The following ASTN2 variants were observed in gnomAD, a reference collection of about 807,000 sequenced individuals.
ASTN2 encodes the protein astrotactin 2.
In ASTN2, 54 loss-of-function variants were observed where a neutral mutation model predicts 139.8. The observed-to-expected ratio is 0.39, with a 90% CI of 0.31 to 0.48. The LOEUF (loss-of-function observed/expected upper bound fraction) is 0.48. ASTN2 is among the 20% of genes least tolerant of loss of function. The probability of loss-of-function intolerance (pLI) is 0.95; values close to 1 mark genes in which losing one functional copy is unlikely to be tolerated. For synonymous variants in ASTN2, 756 were observed against 719.5 expected, an observed-to-expected ratio of 1.05 and a Z score of -0.81; for missense variants, 1,565 against 1,725.1, an observed-to-expected ratio of 0.91 and a Z score of 1.64.
At chr9:117,079,533 T>C (rs954435541) in intron 5 of ASTN2, among the ~76,000 whole-genome samples, 2 of 152,124 alleles carry the variant, frequency 1.3e-5, no homozygotes, top group Non-Finnish European at 2.9e-5. Context: ...AAAGAGCCCT[T>C]TACTCACAAC....
At chr9:116,718,344 G>A (rs1232631654) in intron 16 of ASTN2, among the ~76,000 whole-genome samples, 1 of 152,214 alleles carries the variant, frequency 6.6e-6, no homozygotes, top group African/African-American at 2.4e-5. Context: ...GGTTGGCTGA[G>A]GACAGATCAG....
chr9:117,105,214 G>A (rs1368548301), intron 4 of ASTN2, among the ~76,000 whole-genome samples: 1 of 152,138 alleles, frequency 6.6e-6, no homozygotes, highest in African/African-American at 2.4e-5. Context: ...TGCAGAGGAA[G>A]TGACTCTGCA....
At chr9:117,407,429 T>C (rs1289691702) in intron 1 of ASTN2, among the ~76,000 whole-genome samples, 1 of 152,174 alleles carries the variant, frequency 6.6e-6, no homozygotes, top group Non-Finnish European at 1.5e-5. Context: ...ACTGTTGTAA[T>C]TGTAGTAGAG....
chr9:116,524,156 A>C (rs2119251936), intron 19 of ASTN2, among the ~76,000 whole-genome samples: 1 of 152,250 alleles, frequency 6.6e-6, no homozygotes, highest in South Asian at 2.1e-4. Context: ...AGAAAAAGAA[A>C]AGTCATTCTT....
intron 13 of ASTN2, among the ~76,000 whole-genome samples, chr9:116,783,181 T>A (rs1316743751): frequency 6.6e-6 from 1 of 152,158 alleles, no homozygotes; most frequent in Non-Finnish European, 1.5e-5. Flanking sequence ...TTAGTCAGTG[T>A]AGCATATTTT....
intron 1 of ASTN2, among the ~76,000 whole-genome samples, chr9:117,364,564 G>A (rs1829781550): frequency 6.6e-6 from 1 of 152,168 alleles, no homozygotes; most frequent in Non-Finnish European, 1.5e-5. Context: ...AAAGATTATT[G>A]AGGAAGATAA....
At chr9:117,112,179 C>T (rs1304824692) in intron 4 of ASTN2, among the ~76,000 whole-genome samples, 2 of 151,524 alleles carry the variant, frequency 1.3e-5, no homozygotes, top group Non-Finnish European at 2.9e-5. Context: ...GATTGTAATA[C>T]TCAATATTGT....
intron 3 of ASTN2, among the ~76,000 whole-genome samples, chr9:117,146,744 C>T (rs1389622126): frequency 6.6e-6 from 1 of 151,978 alleles, no homozygotes; most frequent in African/African-American, 2.4e-5. Context: ...CACAGATTAC[C>T]ATTAAAGAAT....
intron 19 of ASTN2, among the ~76,000 whole-genome samples, chr9:116,492,655 C>A (rs547020153): frequency 6.6e-6 from 1 of 152,272 alleles, no homozygotes; most frequent in Admixed American, 6.5e-5. Context: ...GGAGCCCTTC[C>A]TCCCCAATTT....
intron 10 of ASTN2, among the ~76,000 whole-genome samples, chr9:116,965,163 A>G (rs190063665): frequency 2.6e-5 from 4 of 152,322 alleles, no homozygotes; most frequent in African/African-American, 9.6e-5. Context: ...TCCCAGCATA[A>G]TATCTTAGGC....
At chr9:116,429,842 C>T (rs753659708) in intron 22 of ASTN2, among the ~76,000 whole-genome samples, 9 of 152,264 alleles carry the variant, frequency 5.9e-5, no homozygotes, top group Non-Finnish European at 1.2e-4. Context: ...AGATGGACAC[C>T]AGTCATCAGT....
chr9:117,226,510 G>A (rs1832716684), intron 2 of ASTN2, among the ~76,000 whole-genome samples: 1 of 152,088 alleles, frequency 6.6e-6, no homozygotes, highest in Admixed American at 6.6e-5. Flanking sequence ...AAAGAAACCA[G>A]GCAACTTAAA....
intron 16 of ASTN2, among the ~76,000 whole-genome samples, chr9:116,670,626 G>A (rs1301736248): frequency 3.9e-5 from 6 of 152,180 alleles, no homozygotes; most frequent in Non-Finnish European, 8.8e-5. Flanking sequence ...TCAGTTGATG[G>A]AGTGGTTAAT....
In ASTN2 at chr9:117,414,494, T is replaced by C; in HGVS notation, c.442+3A>G. ...TCTAGCGCGTGCCGGCGCCCAGCCT[T>C]ACCCAGGGTGAAGAAGGGCAGCTCG... On this transcript the variant is annotated splice_donor_region_variant and intron_variant, in intron 1 of 22. Coordinates refer to ENST00000313400, the MANE Select transcript of ASTN2 (RefSeq NM_001365068.1). This position sits in a 1 kb window ranked among gnomAD's most constrained non-coding sequence, Gnocchi z 4.2. 1.2e-6 allele frequency: 2 copies of C among 1,607,136 alleles called. No homozygotes were observed. The highest frequency in any genetic ancestry group is 1.7e-6 in the Non-Finnish European group (2 of 1,177,090).
At chr9:117,367,895 T>C (rs1179735420) in intron 1 of ASTN2, among the ~76,000 whole-genome samples, 1 of 152,166 alleles carries the variant, frequency 6.6e-6, no homozygotes, top group Admixed American at 6.6e-5. Flanking sequence ...GAGTTACCTC[T>C]GCAATGCCCT....
Position 117,031,077 on chromosome 9 carries a change from A to G in ASTN2, c.1423+8742T>C, listed in dbSNP as rs546879456. ...GGGGTTCTGAATCTCAGCCCAATTT[A>G]TATTTCCCCTCTTTCTGGGCTCTGG... On this transcript the variant is annotated intron_variant, in intron 6 of 22. Coordinates refer to ENST00000313400, the MANE Select transcript of ASTN2 (RefSeq NM_001365068.1). 1.3e-4 allele frequency among the ~76,000 whole-genome samples: 20 copies of G among 152,144 alleles called. No homozygotes were observed. In the South Asian group the frequency reaches 4.2e-3, roughly 32 times the overall value.
intron 19 of ASTN2, among the ~76,000 whole-genome samples, chr9:116,555,262 C>T (rs961904255): frequency 2.0e-5 from 3 of 152,112 alleles, no homozygotes; most frequent in African/African-American, 4.8e-5. Context: ...ATGTGTTCTT[C>T]GAGCTCCCCC....
At chr9:116,615,898 C>T (rs1246347303) in intron 19 of ASTN2, among the ~76,000 whole-genome samples, 2 of 151,822 alleles carry the variant, frequency 1.3e-5, no homozygotes, top group African/African-American at 2.4e-5. Context: ...AATGAAGATA[C>T]CTTCTTCGAT....
intron 17 of ASTN2, among the ~76,000 whole-genome samples, chr9:116,623,147 C>CTGTG (rs10527124): frequency 2.7e-3 from 375 of 137,174 alleles, no homozygotes; most frequent in East Asian, 7.6e-3. Context: ...AGAGCATACT[C>CTGTG]TGTGTGTGTG....
Sources: gnomAD v4.1 joint callset for allele counts (sites outside exome capture counted in the v4.1 genomes callset) on GRCh38, gnomAD v4.1.1 for gene constraint, Gnocchi (gnomAD v3.1) non-coding constraint, MANE v1.5 for transcripts, NCBI Gene and HGNC (gene_info 2026-07-23, HGNC 2026-07-21) for gene names.